GNA13: variants seen among roughly 807,000 people sequenced by gnomAD.
The protein encoded by GNA13 is guanine nucleotide-binding protein subunit alpha-13.
A neutral mutation model predicts 33.5 loss-of-function variants in GNA13; 4 were observed. The observed-to-expected ratio is 0.12, with a 90% confidence interval of 0.06 to 0.27. The LOEUF (loss-of-function observed/expected upper bound fraction) is 0.27. Ranked by LOEUF, GNA13 falls within the 10% of genes least tolerant of loss-of-function variation. The probability of loss-of-function intolerance (pLI) is 1.00; values close to 1 mark genes in which losing one functional copy is unlikely to be tolerated. For missense variants in GNA13, 319 were observed against 487.2 expected, an observed-to-expected ratio of 0.65 and a Z score of 3.25; for synonymous variants, 176 against 183.8, an observed-to-expected ratio of 0.96 and a Z score of 0.34.
In GNA13 at chr17:65,053,732, T is replaced by A. The variant is rs1479945919; in HGVS notation, c.284-4A>T. 6.3e-7 allele frequency: 1 copy of A among 1,590,890 alleles called. No individual in the cohort carries two copies. Among genetic ancestry groups the A allele is most frequent in the Non-Finnish European group, 8.6e-7 (1 of 1,162,098 alleles). ...GCATCAACCAGCACCCTCATACCTT[T>A]GTTTAAAAAGAAGAAAAAAAATGTA... On this transcript the variant is annotated splice_region_variant and splice_polypyrimidine_tract_variant and intron_variant, in intron 1 of 3. Coordinates refer to ENST00000439174, the MANE Select transcript of GNA13 (RefSeq NM_006572.6).
At chr17:65,056,049 G>A (rs540369954) in intron 1 of GNA13, among the ~76,000 whole-genome samples, 3 of 152,210 alleles carry the variant, frequency 2.0e-5, no homozygotes, top group African/African-American at 4.8e-5. Flanking sequence ...GACGCGGTGG[G>A]GGGTGGGGGA....
intron 2 of GNA13, among the ~76,000 whole-genome samples, chr17:65,037,248 T>C (rs1048081054): frequency 5.3e-5 from 8 of 152,150 alleles, no homozygotes; most frequent in Non-Finnish European, 1.0e-4. Flanking sequence ...TCTCAAACTT[T>C]AAAAAGGTCA....
intron 3 of GNA13, among the ~76,000 whole-genome samples, chr17:65,017,432 G>T (rs1007506520): frequency 6.6e-6 from 1 of 152,162 alleles, no homozygotes; most frequent in African/African-American, 2.4e-5. Context: ...TTATGAGGAG[G>T]CAAATGAAGC....
At chr17:65,054,768 G>A (rs569475869) in intron 1 of GNA13, among the ~76,000 whole-genome samples, 1 of 152,194 alleles carries the variant, frequency 6.6e-6, no homozygotes, top group Non-Finnish European at 1.5e-5. Context: ...CAGTTAACAT[G>A]TTGATGCTAT....
intron 2 of GNA13, among the ~76,000 whole-genome samples, chr17:65,024,801 T>C (rs1009434988): frequency 2.6e-5 from 4 of 152,254 alleles, no homozygotes; most frequent in Non-Finnish European, 4.4e-5. Flanking sequence ...TCTTTTAGGA[T>C]CAATTACACA....
At chr17:65,055,008 C>T (rs1251646275) in intron 1 of GNA13, among the ~76,000 whole-genome samples, 1 of 147,040 alleles carries the variant, frequency 6.8e-6, no homozygotes, top group Non-Finnish European at 1.5e-5. Context: ...TAATGCCTGG[C>T]TCTTCAGGCA....
intron 2 of GNA13, among the ~76,000 whole-genome samples, chr17:65,045,710 T>C (rs1042460217): frequency 6.6e-6 from 1 of 152,188 alleles, no homozygotes; most frequent in East Asian, 1.9e-4. Flanking sequence ...GTTACTATAA[T>C]AAAGAAAGAA....
Position 65,010,801 on chromosome 17 carries a change from A to G in GNA13, c.*3456T>C, listed in dbSNP as rs191493853. On this transcript the variant is annotated 3_prime_UTR_variant, in exon 4 of 4. Coordinates refer to ENST00000439174, the MANE Select transcript of GNA13 (RefSeq NM_006572.6). ...TCACGGATTCAAACAAGAAATTAAC[A>G]CTGATATTTAGCCTTCTCATGACAT... 30 of 211,484 alleles carry G rather than the reference A, an allele frequency of 1.4e-4. No homozygotes were observed. Among genetic ancestry groups the G allele is most frequent in the African/African-American group, 6.5e-4 (29 of 44,296 alleles). 13.1% of individuals were successfully genotyped at this position (211,484 alleles called of 1,614,324 possible). A position where few individuals can be genotyped will look rare whatever the true frequency, so the allele number is the denominator to read the frequency against.
At chr17:65,023,708 CCATA>C (rs1359221986) in intron 2 of GNA13, among the ~76,000 whole-genome samples, 1 of 152,200 alleles carries the variant, frequency 6.6e-6, no homozygotes, top group East Asian at 1.9e-4. Flanking sequence ...ACTTCCATTC[CCATA>C]CAAATTTCCA....
chr17:65,042,895 A>C (rs1342826655), intron 2 of GNA13, among the ~76,000 whole-genome samples: 2 of 152,182 alleles, frequency 1.3e-5, no homozygotes, highest in Admixed American at 1.3e-4. Context: ...AAATCAAATC[A>C]AAGTTTATAC....
At chr17:65,025,736 T>C (rs984054519) in intron 2 of GNA13, among the ~76,000 whole-genome samples, 20 of 151,560 alleles carry the variant, frequency 1.3e-4, no homozygotes, top group African/African-American at 4.1e-4. Context: ...TCCCAGCACT[T>C]TGGGAGGCTA....
At chr17:65,036,754 T>A (rs1433044069) in intron 2 of GNA13, among the ~76,000 whole-genome samples, 4 of 152,246 alleles carry the variant, frequency 2.6e-5, no homozygotes, top group Non-Finnish European at 5.9e-5. Context: ...CCTTAGCCTC[T>A]ATGTGTCCTT....
At chr17:65,018,358 T>A (rs1404383571) in intron 2 of GNA13, 55 bp from the exon 3 acceptor site, 1 of 867,058 alleles carries the variant, frequency 1.2e-6, no homozygotes, top group Non-Finnish European at 2.0e-6. Context: ...GAAGATCTTG[T>A]TACAACAGTT....
intron 2 of GNA13, among the ~76,000 whole-genome samples, chr17:65,023,303 G>A (rs1906653262): frequency 1.3e-5 from 2 of 152,226 alleles, no homozygotes; most frequent in Admixed American, 1.3e-4. Context: ...TGTCAGTGAT[G>A]AATTTAACAC....
Position 65,009,374 on chromosome 17 carries a change from T to C in GNA13, c.*4883A>G, listed in dbSNP as rs574397893. 1.3e-5 allele frequency among the ~76,000 whole-genome samples: 2 copies of C among 152,346 alleles called. No individual in the cohort carries two copies. Among genetic ancestry groups the C allele is most frequent in the African/African-American group, 2.4e-5 (1 of 41,586 alleles). On this transcript the variant is annotated 3_prime_UTR_variant, in exon 4 of 4. Transcript: ENST00000439174. The stretch of plus-strand genomic sequence containing the variant: ...CAAGAGGCAAATGTTTTGCAAAATA[T>C]GTACAAAAGTAAAAAGCTGTAATGA...
rs570726647 is a variant in GNA13, at chr17:65,019,123, T to A, written c.511-820A>T. ...GTTCCTGAAGCAGCACCTCATTTAG[T>A]ATGCCTGGGCATCATGTGAAGATCT... On this transcript the variant is annotated intron_variant, in intron 2 of 3. Transcript: ENST00000439174. 2.6e-5 allele frequency among the ~76,000 whole-genome samples: 4 copies of A among 152,266 alleles called. No homozygotes were observed. The East Asian group carries it at 7.7e-4, about 29-fold the overall frequency.
chr17:65,041,595 C>T (rs1383811986), intron 2 of GNA13, among the ~76,000 whole-genome samples: 4 of 152,152 alleles, frequency 2.6e-5, no homozygotes, highest in Non-Finnish European at 5.9e-5. Context: ...ACTCTCAACG[C>T]CTCTGCTAAG....
intron 2 of GNA13, among the ~76,000 whole-genome samples, chr17:65,047,082 T>TA (rs1425130444): frequency 6.6e-6 from 1 of 152,136 alleles, no homozygotes; most frequent in African/African-American, 2.4e-5. Flanking sequence ...ACGGAAATTT[T>TA]AAAAAAGAAA....
At chr17:65,018,136 A>AGAG in intron 3 of GNA13, 117 bp downstream of exon 3, 1 of 63,546 alleles carries the variant, frequency 1.6e-5, no homozygotes, top group Non-Finnish European at 3.0e-5. Flanking sequence ...AAAAAAAAAA[A>AGAG]AAAGAGAGAA....
Sources: gnomAD v4.1 joint callset for allele counts (sites outside exome capture counted in the v4.1 genomes callset) on GRCh38, gnomAD v4.1.1 for gene constraint, MANE v1.5 for transcripts, NCBI Gene and HGNC (gene_info 2026-07-23, HGNC 2026-07-21) for gene names.